PIEZO1: variants seen among roughly 807,000 people sequenced by gnomAD.
PIEZO1 encodes the protein piezo type mechanosensitive ion channel component 1 (Er blood group).
In PIEZO1, 296 loss-of-function variants were observed where a neutral mutation model predicts 297.2. That is an observed-to-expected ratio of 1.00 (90% confidence interval 0.91 to 1.10). PIEZO1 has a LOEUF of 1.10. Ranked by LOEUF, PIEZO1 falls within the 50% of genes least tolerant of loss-of-function variation. The probability of loss-of-function intolerance (pLI) is 0.00; values close to 1 mark genes in which losing one functional copy is unlikely to be tolerated. For synonymous variants in PIEZO1, 2,427 were observed against 1,507.5 expected (o/e 1.61, Z -14.13); for missense variants, 5,018 against 3,455.5 (o/e 1.45, Z -11.34).
At chr16:88,734,574 C>A in intron 15 of PIEZO1, 36 bp from the exon 16 acceptor site, 1 of 1,545,180 alleles carries the variant, frequency 6.5e-7, no homozygotes, top group East Asian at 2.4e-5. Flanking sequence ...GCCCGGCCCC[C>A]GGCAGAGCCG....
In PIEZO1 at chr16:88,719,878, AGCGGATCTGGTAG is replaced by A; in HGVS notation, c.6234_6246del (p.Tyr2079AlafsTer39). On this transcript the variant is annotated frameshift_variant, in exon 43 of 51. Transcript: ENST00000301015. LOFTEE classifies it high-confidence loss of function. ...CCGAGGATGCGGGTGGGGTAGCCGC[AGCGGATCTGGTAG>A]GCGGACAGGGCGAAGTAGATGCACT... The A allele has an allele frequency of 6.4e-7, 1 of 1,550,576 alleles. No individual in the cohort carries two copies. Among genetic ancestry groups the A allele is most frequent in the Non-Finnish European group, 8.7e-7 (1 of 1,146,932 alleles).
At chr16:88,743,025 C>T (rs752771367) in intron 2 of PIEZO1, 33 of 455,786 alleles carry the variant, frequency 7.2e-5, no homozygotes, top group Admixed American at 2.8e-4. Context: ...ACCTGCTGTG[C>T]ACCAGGTCAG....
intron 1 of PIEZO1, among the ~76,000 whole-genome samples, chr16:88,761,191 A>C (rs1314530874): frequency 1.3e-5 from 2 of 152,114 alleles, no homozygotes; most frequent in Non-Finnish European, 2.9e-5. Context: ...CTGCCCAGGG[A>C]GCGGGGCAAA....
intron 1 of PIEZO1, among the ~76,000 whole-genome samples, chr16:88,780,977 CCTAA>C (rs560115543): frequency 1.4e-4 from 21 of 152,170 alleles, no homozygotes; most frequent in Non-Finnish European, 1.5e-5. Context: ...GAGAAAAAAG[CCTAA>C]CTGTCTATTT....
In PIEZO1 at chr16:88,737,662, G is replaced by A. The variant is rs1170712475; in HGVS notation, c.1108-16C>T. 13 of 1,533,192 alleles carry A rather than the reference G, an allele frequency of 8.5e-6. No homozygotes were observed. The highest frequency in any genetic ancestry group is 1.2e-5 in the South Asian group (1 of 83,978). 95.0% of individuals were successfully genotyped at this position (1,533,192 alleles called of 1,614,324 possible). A position where few individuals can be genotyped will look rare whatever the true frequency, so the allele number is the denominator to read the frequency against. On this transcript the variant is annotated splice_polypyrimidine_tract_variant and intron_variant, in intron 9 of 50. Coordinates refer to ENST00000301015, the MANE Select transcript of PIEZO1 (RefSeq NM_001142864.4). ...GCACCACGTGCTGTGGGCAAGCAGC[G>A]CTGAGCCATGCACGGGCTGGCCGGG...
At chr16:88,716,763 G>T in intron 46 of PIEZO1, 32 bp from the exon 47 acceptor site, 1 of 1,548,762 alleles carries the variant, frequency 6.5e-7, no homozygotes. Context: ...AGTGACTGCA[G>T]CCGCCTCCCC....
At position 88,725,605 on chromosome 16, in the gene PIEZO1, G is replaced by A. The variant is rs1381034366; in HGVS notation, c.4048C>T (p.Leu1350=). The A allele has an allele frequency of 1.9e-6, 3 of 1,548,284 alleles. No homozygotes were observed. The Admixed American group carries it at 5.9e-5, about 30-fold the overall frequency. ...CCCAGAGGCACCTACTGTCTTTTCAGCTGGGCCAGGGACTTCTCCTCTATC... is the reference window on the plus strand; with the variant it reads ...CCCAGAGGCACCTACTGTCTTTTCAACTGGGCCAGGGACTTCTCCTCTATC... ...RRIEEKSLAQ[L]KRQMERIRAK... Residue 1350 remains leucine (L), a synonymous_variant, in exon 28 of 51, where the codon CTG becomes TTG. Transcript: ENST00000301015.
At position 88,716,237 on chromosome 16, in the gene PIEZO1, TGGG is replaced by T; in HGVS notation, c.7087_7089del (p.Pro2363del). The T allele has an allele frequency of 6.7e-7, 1 of 1,496,574 alleles. No homozygotes were observed. Among genetic ancestry groups the T allele is most frequent in the African/African-American group, 1.4e-5 (1 of 71,990 alleles). The allele number at this position is 1,496,574 out of a possible 1,614,324, so 92.7% of individuals were successfully genotyped here. A position where few individuals can be genotyped will look rare whatever the true frequency, so the allele number is the denominator to read the frequency against. On this transcript the variant is annotated inframe_deletion, in exon 49 of 51. Transcript: ENST00000301015. ...TTCACAGGGTTGGCTTCGGGCCCGT[TGGG>T]GGCACGGATGTACTTGGGGAAGAGA...
rs1340443080 is a variant in PIEZO1 at position 88,737,741 on chromosome 16, C to T, written c.1094G>A (p.Arg365Gln). Residue 365 changes from arginine to glutamine, a missense_variant, in exon 9 of 51, where the codon CGG becomes CAG. Coordinates refer to ENST00000301015, the MANE Select transcript of PIEZO1 (RefSeq NM_001142864.4). ...LAELDQWPQE[R>Q]ESDQHVVPTA... The stretch of plus-strand genomic sequence containing the variant: ...CTGGCTGCTCACCTGGTCAGACTCC[C>T]GTTCCTGGGGCCACTGGTCCAGCTC... 1.7e-5 allele frequency: 26 copies of T among 1,535,448 alleles called. No homozygotes were observed. Among genetic ancestry groups the T allele is most frequent in the African/African-American group, 9.6e-5 (7 of 72,982 alleles).
In PIEZO1 at chr16:88,721,066, C is replaced by T. The variant is rs895713239; in HGVS notation, c.5668+100G>A. ...ACCTTCCTGGGATCCAGGTGGGCCT[C>T]GCACTGGGCTTGGCCGTCTCATCTG... On this transcript the variant is annotated intron_variant, in intron 39 of 50. Coordinates refer to ENST00000301015, the MANE Select transcript of PIEZO1 (RefSeq NM_001142864.4). The T allele has an allele frequency of 3.5e-5, 43 of 1,225,612 alleles. No homozygotes were observed. In the East Asian group the frequency reaches 3.8e-4, roughly 11 times the overall value. 75.9% of individuals were successfully genotyped at this position (1,225,612 alleles called of 1,614,324 possible).
intron 1 of PIEZO1, among the ~76,000 whole-genome samples, chr16:88,755,924 C>G (rs1169448276): frequency 2.0e-5 from 3 of 152,196 alleles, no homozygotes; most frequent in Non-Finnish European, 4.4e-5. Flanking sequence ...GTGGCAATTC[C>G]TGGGTTCCCA....
At chr16:88,749,202 T>C (rs545058018) in intron 2 of PIEZO1, among the ~76,000 whole-genome samples, 182 bp downstream of exon 2, 52 of 151,628 alleles carry the variant, frequency 3.4e-4, no homozygotes, top group African/African-American at 1.1e-3. Flanking sequence ...ATCGCGCCAC[T>C]GCACTCCAGC....
At chr16:88,758,617 T>C (rs543331613) in intron 1 of PIEZO1, among the ~76,000 whole-genome samples, 4 of 152,202 alleles carry the variant, frequency 2.6e-5, no homozygotes, top group Non-Finnish European at 5.9e-5. Flanking sequence ...GGCACCCACC[T>C]GCAGAGCAGG....
At position 88,736,251 on chromosome 16, in the gene PIEZO1, GCCCA is replaced by G. The variant is rs1165786308; in HGVS notation, c.1450_1453del (p.Trp484ProfsTer40). 3 of 1,550,102 alleles carry G rather than the reference GCCCA, an allele frequency of 1.9e-6. No individual in the cohort carries two copies. Among genetic ancestry groups the G allele is most frequent in the Non-Finnish European group, 2.6e-6 (3 of 1,146,812 alleles). ...GGGCAGCTCAGGGCGCAGGTCCATG[GCCCA>G]CACGTAGCGTAGGCAGCACAGCGTC... On this transcript the variant is annotated frameshift_variant, in exon 12 of 51. Coordinates refer to ENST00000301015, the MANE Select transcript of PIEZO1 (RefSeq NM_001142864.4). LOFTEE classifies it high-confidence loss of function.
At position 88,734,042 on chromosome 16, in the gene PIEZO1, C is replaced by CA; in HGVS notation, c.2192dup (p.Ser732GlufsTer45). On this transcript the variant is annotated frameshift_variant, in exon 17 of 51. Coordinates refer to ENST00000301015, the MANE Select transcript of PIEZO1 (RefSeq NM_001142864.4). LOFTEE classifies it high-confidence loss of function. ...CCTCCCGCAGCAGTGGGGTCCCACT[C>CA]ACTGCATCCTGCCTGGGAGAGGGTC... is the stretch of plus-strand genomic sequence containing the variant. 3 of 1,526,966 alleles carry CA rather than the reference C, an allele frequency of 2.0e-6. No homozygotes were observed. Among genetic ancestry groups the CA allele is most frequent in the Non-Finnish European group, 2.6e-6 (3 of 1,133,180 alleles). The allele number at this position is 1,526,966 out of a possible 1,614,324, so 94.6% of individuals were successfully genotyped here.
chr16:88,719,333 TG>T (rs1912262436), intron 44 of PIEZO1: 1 of 534,398 alleles, frequency 1.9e-6, no homozygotes, highest in East Asian at 3.2e-5. Context: ...CCTGCTCTGC[TG>T]CCAGCCTGCC....
rs1030456401 is a variant in PIEZO1 at position 88,738,674 on chromosome 16, C to A, written c.528G>T (p.Leu176=). ...CCAGCCGTGACCTCCGTGTAGGGGC[C>A]AGCGTTGCTGCTTCCTGCAGCCCTG... ...PTAGLQEAAT[L]APTRRSRLAA... The change falls in exon 6 of 51, where the codon CTG becomes CTT. Residue 176 remains leucine, a synonymous_variant. Transcript: ENST00000301015. 5 of 1,535,396 alleles carry A rather than the reference C, an allele frequency of 3.3e-6. No homozygotes were observed. Among genetic ancestry groups the A allele is most frequent in the Non-Finnish European group, 2.6e-6 (3 of 1,146,480 alleles).
At position 88,727,085 on chromosome 16, in the gene PIEZO1, G is replaced by T. The variant is rs1331506114; in HGVS notation, c.3409C>A (p.Pro1137Thr). 1 of 1,549,686 alleles carries T rather than the reference G, an allele frequency of 6.5e-7. No individual in the cohort carries two copies. The highest frequency in any genetic ancestry group is 1.4e-5 in the African/African-American group (1 of 73,044). ...MAGVNTDRLE[P>T]LRGEPNPVPN... ...ACGGGGTTGGGCTCCCCCCGCAGCG[G>T]CTCCAGGCGGTCGGTGTTGACGCCA... is the stretch of plus-strand genomic sequence containing the variant. Residue 1137 changes from proline to threonine, a missense_variant, in exon 24 of 51, where the codon CCG becomes ACG. Pro to Thr is a conservative substitution (Grantham distance 38). Transcript: ENST00000301015.
chr16:88,761,124 A>T (rs1468151751), intron 1 of PIEZO1, among the ~76,000 whole-genome samples: 2 of 152,154 alleles, frequency 1.3e-5, no homozygotes, highest in African/African-American at 4.8e-5. Flanking sequence ...GCAGGAACAG[A>T]GGGTCAGCAG....
Sources: allele counts gnomAD v4.1 joint callset (sites outside exome capture counted in the v4.1 genomes callset), GRCh38; gene constraint gnomAD v4.1.1; transcripts MANE v1.5; gene names NCBI Gene and HGNC (gene_info 2026-07-23, HGNC 2026-07-21).